Variants in PACS1 observed in about 807,000 individuals in gnomAD.
PACS1 encodes the protein phosphofurin acidic cluster sorting protein 1, also known as PACS-1.
Under a neutral mutation model 115.0 loss-of-function variants are expected in PACS1, and 24 were observed. That is an observed-to-expected ratio of 0.21 (90% CI 0.15 to 0.29). The LOEUF is 0.29. Ranked by LOEUF, PACS1 falls within the 10% of genes least tolerant of loss-of-function variation. The probability of loss-of-function intolerance (pLI) is 1.00; values close to 1 mark genes in which losing one functional copy is unlikely to be tolerated. For synonymous variants in PACS1, 453 were observed against 504.5 expected (o/e 0.90, Z 1.37); for missense variants, 838 against 1,251.2 (o/e 0.67, Z 4.98).
chr11:66,133,759 C>G (rs940906350), intron 1 of PACS1, among the ~76,000 whole-genome samples: 2 of 152,178 alleles, frequency 1.3e-5, no homozygotes, highest in African/African-American at 4.8e-5. Context: ...CCTATCTCAA[C>G]CCCCCAAAGT....
chr11:66,076,063 G>T (rs987771232), intron 1 of PACS1, among the ~76,000 whole-genome samples: 1 of 152,142 alleles, frequency 6.6e-6, no homozygotes, highest in African/African-American at 2.4e-5. Flanking sequence ...AAGCATGTTT[G>T]TACCTTAGGA....
At chr11:66,178,203 A>T (rs1045657362) in intron 1 of PACS1, among the ~76,000 whole-genome samples, 2 of 150,140 alleles carry the variant, frequency 1.3e-5, no homozygotes, top group African/African-American at 5.1e-5. Flanking sequence ...AGTTCCTTGT[A>T]TGACCTTTTT....
At chr11:66,221,273 G>A (rs530536813) in intron 10 of PACS1, 26 bp downstream of exon 10, 38 of 1,594,704 alleles carry the variant, frequency 2.4e-5, no homozygotes, top group African/African-American at 1.3e-4. Flanking sequence ...ACTGCGGGGC[G>A]GGGTGGGACC....
rs924931141 is a variant in PACS1, at chr11:66,193,528, A to G, written c.399A>G (p.Glu133=). ...LTLKKLVMLK[E]MDKDLNSVVI... ...TGAAGAAACTCGTCATGCTAAAAGA[A>G]ATGGACAAAGATCTTAACTCAGTGG... Residue 133 remains glutamate (E), a synonymous_variant, in exon 2 of 24, where the codon GAA becomes GAG. Coordinates refer to ENST00000320580, the MANE Select transcript of PACS1 (RefSeq NM_018026.4). 2.2e-5 allele frequency: 35 copies of G among 1,613,868 alleles called. No homozygotes were observed. In the Admixed American group the frequency reaches 4.0e-4, roughly 18 times the overall value.
chr11:66,233,187 G>T lies in PACS1; in HGVS notation c.1838+121G>T. Reference sequence around the variant, plus strand: ...TCATCAGACCAAGAATTTGCAGAGGGGCGTATGTTTAGGGGGGTGGCGGCA... The same window carrying T: ...TCATCAGACCAAGAATTTGCAGAGGTGCGTATGTTTAGGGGGGTGGCGGCA... On this transcript the variant is annotated intron_variant, in intron 15 of 23. Transcript: ENST00000320580. This position sits in a 1 kb window ranked among gnomAD's most constrained non-coding sequence, Gnocchi z 4.5. 1 of 721,150 alleles carries T rather than the reference G, an allele frequency of 1.4e-6. No homozygotes were observed. Among genetic ancestry groups the T allele is most frequent in the Non-Finnish European group, 2.3e-6 (1 of 429,990 alleles). The allele number at this position is 721,150 out of a possible 1,614,324, so 44.7% of individuals were successfully genotyped here. A position where few individuals can be genotyped will look rare whatever the true frequency, so the allele number is the denominator to read the frequency against.
At chr11:66,077,438 G>A (rs1413382100) in intron 1 of PACS1, among the ~76,000 whole-genome samples, 1 of 152,104 alleles carries the variant, frequency 6.6e-6, no homozygotes, top group African/African-American at 2.4e-5. Context: ...GCGTGCGCCT[G>A]TGGTCCCAGC....
intron 10 of PACS1, among the ~76,000 whole-genome samples, chr11:66,225,426 G>T (rs1474161554): frequency 1.3e-5 from 2 of 152,194 alleles, no homozygotes. Context: ...TTGGGAATTT[G>T]TCCCCAGGAG....
intron 1 of PACS1, among the ~76,000 whole-genome samples, chr11:66,191,408 G>C (rs1854519366): frequency 6.6e-6 from 1 of 152,172 alleles, no homozygotes; most frequent in Non-Finnish European, 1.5e-5. Flanking sequence ...AGGTTTTGGG[G>C]ATTAGGAGAT....
At chr11:66,159,845 G>T (rs1040925654) in intron 1 of PACS1, among the ~76,000 whole-genome samples, 1 of 152,170 alleles carries the variant, frequency 6.6e-6, no homozygotes, top group Non-Finnish European at 1.5e-5. Flanking sequence ...CTCATCCAGC[G>T]GGAGAGGGAG....
At chr11:66,088,552 A>G (rs750334608) in intron 1 of PACS1, among the ~76,000 whole-genome samples, 1 of 152,182 alleles carries the variant, frequency 6.6e-6, no homozygotes, top group Non-Finnish European at 1.5e-5. Context: ...CATAAGTCCC[A>G]TGATATTTTA....
intron 2 of PACS1, among the ~76,000 whole-genome samples, chr11:66,203,117 C>G (rs538293528): frequency 2.0e-5 from 3 of 152,242 alleles, no homozygotes; most frequent in African/African-American, 7.2e-5. Flanking sequence ...AAAACCTACA[C>G]TTCACAAAAT....
Position 66,236,511 on chromosome 11 carries a change from G to T in PACS1, c.2250+571G>T, listed in dbSNP as rs898265453. On this transcript the variant is annotated intron_variant, in intron 19 of 23. Transcript: ENST00000320580. This position sits in a 1 kb window ranked among gnomAD's most constrained non-coding sequence, Gnocchi z 4.2. The stretch of plus-strand genomic sequence containing the variant: ...CTTCTTTCCTTTTCTATTTAACCAA[G>T]GAGAAATCTCTATACTAGTAAACTT... Among the ~76,000 whole-genome samples the T allele has an allele frequency of 6.6e-6, 1 of 152,174 alleles. No individual in the cohort carries two copies. Among genetic ancestry groups the T allele is most frequent in the Non-Finnish European group, 1.5e-5 (1 of 68,036 alleles).
intron 1 of PACS1, among the ~76,000 whole-genome samples, chr11:66,160,235 G>T (rs1859456007): frequency 6.6e-6 from 1 of 152,138 alleles, no homozygotes; most frequent in Admixed American, 6.5e-5. Flanking sequence ...ATTGGTGCTA[G>T]ATCCTGGCTG....
rs780723803 is a variant in PACS1 at position 66,233,054 on chromosome 11, G to A, written c.1826G>A (p.Arg609Gln). ...GCCGTGCTGTCCGCCCTGCTCACCC[G>A]GATCCAGCGCTAGTAAGGGCTCTGG... ...VQAVLSALLTRIQRYCNCNSS... is the reference protein window; with the variant it reads ...VQAVLSALLTQIQRYCNCNSS... The change falls in exon 15 of 24, where the codon CGG becomes CAG. Residue 609 changes from arginine (R) to glutamine (Q), a missense_variant. Coordinates refer to ENST00000320580, the MANE Select transcript of PACS1 (RefSeq NM_018026.4). This position sits in a 1 kb window ranked among gnomAD's most constrained non-coding sequence, Gnocchi z 4.5. 34 of 1,608,548 alleles carry A rather than the reference G, an allele frequency of 2.1e-5. No individual in the cohort carries two copies. Among genetic ancestry groups the A allele is most frequent in the Non-Finnish European group, 2.5e-5 (29 of 1,179,208 alleles).
intron 1 of PACS1, among the ~76,000 whole-genome samples, chr11:66,175,520 A>C (rs1859836341): frequency 6.6e-6 from 1 of 152,068 alleles, no homozygotes; most frequent in East Asian, 1.9e-4. Flanking sequence ...TTTCAGCTCT[A>C]ACTTCTCTGT....
intron 7 of PACS1, chr11:66,217,165 T>C (rs1451303840): frequency 1.0e-5 from 3 of 295,094 alleles, no homozygotes; most frequent in African/African-American, 2.2e-5. Context: ...TTTAATCATG[T>C]GCTGAACTTA....
chr11:66,221,301 G>A (rs945343123), intron 10 of PACS1, 54 bp downstream of exon 10: 24 of 1,439,112 alleles, frequency 1.7e-5, no homozygotes, highest in African/African-American at 1.3e-4. Context: ...GTCAGGGCTC[G>A]ACGCTCTGGC....
chr11:66,235,264 T>G lies in PACS1; in HGVS notation c.2105-37T>G. The stretch of plus-strand genomic sequence containing the variant: ...GGGTCTGCAGGTTTGCCAGCTGAAG[T>G]CAGTAGGCAGTTAGTGATCTCTTGG... On this transcript the variant is annotated intron_variant, in intron 17 of 23. Coordinates refer to ENST00000320580, the MANE Select transcript of PACS1 (RefSeq NM_018026.4). This position sits in a 1 kb window ranked among gnomAD's most constrained non-coding sequence, Gnocchi z 5.6. 1 of 1,517,330 alleles carries G rather than the reference T, an allele frequency of 6.6e-7. No individual in the cohort carries two copies. Among genetic ancestry groups the G allele is most frequent in the South Asian group, 1.1e-5 (1 of 88,932 alleles). The allele number at this position is 1,517,330 out of a possible 1,614,324, so 94.0% of individuals were successfully genotyped here.
intron 1 of PACS1, among the ~76,000 whole-genome samples, chr11:66,119,566 G>T (rs553956741): frequency 6.6e-6 from 1 of 152,376 alleles, no homozygotes; most frequent in South Asian, 2.1e-4. Flanking sequence ...TTAGCTGATT[G>T]CAAGTAGTAC....
Sources: allele counts gnomAD v4.1 joint callset (sites outside exome capture counted in the v4.1 genomes callset), GRCh38; gene constraint gnomAD v4.1.1; non-coding constraint Gnocchi (gnomAD v3.1); transcripts MANE v1.5; gene names NCBI Gene and HGNC (gene_info 2026-07-23, HGNC 2026-07-21).